RPS29: variants seen among roughly 807,000 people sequenced by gnomAD.
The protein encoded by RPS29 is ribosomal protein S29, also known as small ribosomal subunit protein uS14.
For missense variants in RPS29, 60 were observed against 75.7 expected, an observed-to-expected ratio of 0.79 and a Z score of 0.77; for synonymous variants, 37 against 26.9, an observed-to-expected ratio of 1.37 and a Z score of -1.16.
chr14:49,596,980 T>A (rs1285683573), intron 1 of RPS29, among the ~76,000 whole-genome samples: 1 of 150,350 alleles, frequency 6.7e-6, no homozygotes, highest in African/African-American at 2.5e-5. Flanking sequence ...AGTGGCACTA[T>A]CTCGGCTCAC....
downstream of RPS29, among the ~76,000 whole-genome samples, chr14:49,580,762 G>T (rs559029372): frequency 6.6e-6 from 1 of 152,104 alleles, no homozygotes; most frequent in Non-Finnish European, 1.5e-5. Flanking sequence ...AGGCACACCT[G>T]TAATCCCAGC....
chr14:49,585,897 C>A, intron 2 of RPS29, 53 bp downstream of exon 2: 1 of 1,391,340 alleles, frequency 7.2e-7, no homozygotes, highest in South Asian at 1.2e-5. Flanking sequence ...GAAAAAATAA[C>A]CCCCACAACC....
upstream of RPS29, among the ~76,000 whole-genome samples, chr14:49,588,591 C>T (rs1326737660): frequency 4.1e-4 from 62 of 151,464 alleles, 1 homozygote; most frequent in Non-Finnish European, 2.9e-5. Context: ...GCAATGGCAC[C>T]ATCTTGGCTA....
rs1881532146 is a variant in RPS29 at position 49,585,953 on chromosome 14, A to G, written c.159T>C (p.Ile53=). ...GAGTACGCCTGCAGACGCCTACCTT[A>G]ATGAAACCGATATCCTTCGCGTACT... The part of the protein sequence containing the change: ...FRQYAKDIGF[I]KLD The change falls in exon 2 of 3, where the codon ATT becomes ATC. Residue 53 remains isoleucine (I), a synonymous_variant. Transcript: ENST00000245458. The G allele has an allele frequency of 6.2e-7, 1 of 1,612,842 alleles. No individual in the cohort carries two copies. Among genetic ancestry groups the G allele is most frequent in the Non-Finnish European group, 8.5e-7 (1 of 1,179,026 alleles).
At chr14:49,575,369 A>G (rs1202447099) in exon 3 of RPS29, 1 of 152,214 alleles carries the variant, frequency 6.6e-6, no homozygotes, top group African/African-American at 2.4e-5. Flanking sequence ...AAGGGGCCTA[A>G]TAGGAGAAAT....
exon 3 of RPS29, chr14:49,572,443 A>T (rs534305891): frequency 6.6e-6 from 1 of 152,286 alleles, no homozygotes; most frequent in Non-Finnish European, 1.5e-5. Context: ...TACTTTTATG[A>T]GCTTTTTTTC....
intron 1 of RPS29, among the ~76,000 whole-genome samples, chr14:49,592,726 T>C (rs565574604): frequency 6.1e-4 from 92 of 149,820 alleles, no homozygotes; most frequent in African/African-American, 2.2e-3. Flanking sequence ...CTGACCAACA[T>C]GGAGAAACCA....
downstream of RPS29, among the ~76,000 whole-genome samples, chr14:49,580,194 A>G (rs943944785): frequency 3.9e-5 from 6 of 152,304 alleles, no homozygotes; most frequent in East Asian, 1.9e-4. Context: ...AATCAAACAC[A>G]TATCACACCC....
intron 2 of RPS29, 142 bp from the exon 3 acceptor site, chr14:49,583,817 A>C (rs1318281364): frequency 3.6e-6 from 2 of 556,692 alleles, no homozygotes; most frequent in Non-Finnish European, 6.5e-6. Context: ...GATTCTATGT[A>C]GTTTAAATAT....
chr14:49,574,320 T>A (rs968491069), exon 3 of RPS29: 1 of 152,220 alleles, frequency 6.6e-6, no homozygotes, highest in Non-Finnish European at 1.5e-5. Flanking sequence ...CTTACAACAT[T>A]ATTATTAAAC....
downstream of RPS29, among the ~76,000 whole-genome samples, chr14:49,581,670 C>T (rs529734556): frequency 3.7e-4 from 57 of 152,268 alleles, no homozygotes; most frequent in African/African-American, 1.2e-3. Context: ...TGAGCCACTA[C>T]GCCCAGCCCC....
intron 1 of RPS29, chr14:49,598,147 A>G (rs1881878057): frequency 2.2e-6 from 1 of 459,754 alleles, no homozygotes; most frequent in Admixed American, 3.9e-5. Flanking sequence ...GACACAATAA[A>G]ATGTTTAATA....
chr14:49,585,737 G>A (rs1242092535), intron 2 of RPS29: 2 of 559,074 alleles, frequency 3.6e-6, no homozygotes, highest in Non-Finnish European at 6.4e-6. Flanking sequence ...GAGTAGGAAA[G>A]ACTAAGTCCT....
At position 49,584,846 on chromosome 14, in the gene RPS29, C is replaced by T. The variant is rs548594368; in HGVS notation, c.162+1104G>A. Among the ~76,000 whole-genome samples, 533 of 151,590 alleles carry T rather than the reference C, an allele frequency of 3.5e-3. 4 individuals are homozygous for T. Among genetic ancestry groups the T allele is most frequent in the African/African-American group, 0.012 (508 of 41,276 alleles). The stretch of plus-strand genomic sequence containing the variant: ...ATCAGAAAGCTGGTGATTTTTATCT[C>T]AAAGAGCCAATAATAAATTCGTTTT... On this transcript the variant is annotated intron_variant, in intron 2 of 2. Transcript: ENST00000245458.
upstream of RPS29, among the ~76,000 whole-genome samples, chr14:49,587,363 T>C (rs1359034658): frequency 1.3e-5 from 2 of 152,254 alleles, no homozygotes; most frequent in Non-Finnish European, 1.5e-5. Flanking sequence ...GAAAGATACC[T>C]ACATTCCATA....
chr14:49,586,235 G>C, intron 1 of RPS29, 50 bp downstream of exon 1: 1 of 1,580,514 alleles, frequency 6.3e-7, no homozygotes, highest in Non-Finnish European at 8.7e-7. Flanking sequence ...ATTTTAAGCA[G>C]CCTAGCGCTC....
At chr14:49,582,006 G>GCC (rs71441224), downstream of RPS29, among the ~76,000 whole-genome samples, 5 of 70,202 alleles carry the variant, frequency 7.1e-5, no homozygotes, top group African/African-American at 1.7e-4. Flanking sequence ...GCAAGACCCT[G>GCC]CCCCCCAAAA....
upstream of RPS29, chr14:49,598,706 T>TG (rs1566489086): frequency 5.7e-6 from 4 of 699,422 alleles, no homozygotes; most frequent in South Asian, 6.0e-5. Context: ...CAACCACCGC[T>TG]GCCAGCTGCG....
intron 1 of RPS29, among the ~76,000 whole-genome samples, chr14:49,596,778 CTTT>C (rs35726560): frequency 1.4e-3 from 181 of 133,892 alleles, no homozygotes; most frequent in African/African-American, 1.4e-3. Context: ...GAGATTGAGG[CTTT>C]TTTTTTTTTT....
Sources: gnomAD v4.1 joint callset for allele counts (sites outside exome capture counted in the v4.1 genomes callset) on GRCh38, gnomAD v4.1.1 for gene constraint, MANE v1.5 for transcripts, NCBI Gene and HGNC (gene_info 2026-07-23, HGNC 2026-07-21) for gene names.